Variants in RGPD1 observed in about 807,000 individuals in gnomAD.
RGPD1 encodes RANBP2-like and GRIP domain-containing protein 1.
RGPD1 carries 7 observed loss-of-function variants against 40.6 expected under a neutral mutation model. That is an observed-to-expected ratio of 0.17 (90% CI 0.10 to 0.32). The LOEUF (loss-of-function observed/expected upper bound fraction) is 0.32, where lower values mean the gene tolerates loss of function less well. Among genes scored for constraint, RGPD1 ranks in the 10% least tolerant of loss-of-function variants. RGPD1 has a pLI of 1.00. For missense variants in RGPD1, 50 were observed against 472.5 expected, an observed-to-expected ratio of 0.11 and a Z score of 8.29; for synonymous variants, 24 against 167.0, an observed-to-expected ratio of 0.14 and a Z score of 6.60.
chr2:86,927,713 A>G (rs1678612283), intron 1 of RGPD1, among the ~76,000 whole-genome samples: 1 of 90,536 alleles, frequency 1.1e-5, no homozygotes. Flanking sequence ...AGATACATGA[A>G]AAGCATGGAT....
chr2:86,914,157 G>GCGGCCT (rs1190425202), intron 1 of RGPD1, among the ~76,000 whole-genome samples: 1 of 85,606 alleles, frequency 1.2e-5, no homozygotes, highest in Non-Finnish European at 2.3e-5. Context: ...GGCGGCGGCG[G>GCGGCCT]CGGCCTCGGC....
chr2:86,914,283 G>GGGCGGC (rs533309212), intron 1 of RGPD1, among the ~76,000 whole-genome samples: 2 of 10,230 alleles, frequency 2.0e-4, no homozygotes, highest in Admixed American at 7.2e-4. Flanking sequence ...GGCCTCGGCC[G>GGGCGGC]GGCGGCGGCG....
In RGPD1 at chr2:86,918,521, G is replaced by A. The variant is rs367816021; in HGVS notation, c.72+4600G>A. On this transcript the variant is annotated intron_variant, in intron 1 of 22. Transcript: ENST00000398193. ...GTCACCTAGGCTGGAGTGCAATGGC[G>A]CAATCTCAGCTCACTACAGGCTCTG... Among the ~76,000 whole-genome samples, 1,401 of 128,648 alleles carry A rather than the reference G, an allele frequency of 0.011. 66 individuals carry two copies. In the East Asian group the frequency reaches 0.14, roughly 13 times the overall value. The allele number at this position is 128,648 out of a possible 152,430, so 84.4% of individuals were successfully genotyped here.
chr2:86,941,849 T>C (rs1159988835), upstream of RGPD1, among the ~76,000 whole-genome samples: 1 of 151,512 alleles, frequency 6.6e-6, no homozygotes, highest in Non-Finnish European at 1.5e-5. Flanking sequence ...TAGCTGGGAT[T>C]ACAGGGGCCC....
chr2:86,915,203 G>A (rs1337465766), intron 1 of RGPD1, among the ~76,000 whole-genome samples: 1 of 150,638 alleles, frequency 6.6e-6, no homozygotes, highest in Non-Finnish European at 1.5e-5. Flanking sequence ...GTCTGAGGCA[G>A]GAGAATTGCT....
At chr2:86,940,671 T>C (rs1679671022), upstream of RGPD1, among the ~76,000 whole-genome samples, 2 of 151,868 alleles carry the variant, frequency 1.3e-5, no homozygotes, top group East Asian at 1.9e-4. Context: ...ACATAACTCA[T>C]TGCAGTCTCC....
At chr2:86,925,330 G>A (rs1277463462) in intron 1 of RGPD1, among the ~76,000 whole-genome samples, 1 of 151,324 alleles carries the variant, frequency 6.6e-6, no homozygotes, top group South Asian at 2.1e-4. Flanking sequence ...GCAGTGGCAT[G>A]ATCTCAGCTC....
chr2:86,941,148 A>T (rs1302311402), upstream of RGPD1, among the ~76,000 whole-genome samples: 1 of 152,234 alleles, frequency 6.6e-6, no homozygotes. Flanking sequence ...CCACATAATT[A>T]AGACTGTAAT....
chr2:86,942,467 C>CGGCCTCGACCTGGCCGGGCGGCGGCGGT (rs1679902478), intron 1 of RGPD1, among the ~76,000 whole-genome samples, 159 bp downstream of exon 1: 1 of 132,710 alleles, frequency 7.5e-6, no homozygotes, highest in Non-Finnish European at 1.7e-5. Flanking sequence ...GTTGAGGCGC[C>CGGCCTCGACCTGGCCGGGCGGCGGCGGT]GGCCTCGACC....
intron 4 of RGPD1, among the ~76,000 whole-genome samples, chr2:86,954,781 A>G (rs2104795863): frequency 6.6e-6 from 1 of 150,498 alleles, no homozygotes; most frequent in East Asian, 2.0e-4. Context: ...GTTTTCTTTC[A>G]TTTTATCATG....
chr2:86,945,372 CAG>C (rs1288729482), intron 1 of RGPD1, among the ~76,000 whole-genome samples: 6 of 151,980 alleles, frequency 3.9e-5, no homozygotes, highest in East Asian at 3.9e-4. Flanking sequence ...AATGACAAAA[CAG>C]GGTGCTTTGG....
At chr2:86,914,518 CGGCGGCGGCGGCCTCGGCCTGGCCG>C (rs1677663882) in intron 1 of RGPD1, among the ~76,000 whole-genome samples, 2 of 41,922 alleles carry the variant, frequency 4.8e-5, no homozygotes, top group Non-Finnish European at 9.4e-5. Flanking sequence ...GCGGCGGCGG[CGGCGGCGGCGGCCTCGGCCTGGCCG>C]GGCGGCGGCG....
At position 86,924,217 on chromosome 2, in the gene RGPD1, AC is replaced by A. The variant is rs1156320467; in HGVS notation, c.72+10297del. On this transcript the variant is annotated intron_variant, in intron 1 of 22. Transcript: ENST00000398193. ...GTCATCCAGGCTGGAGTGCAGTGGC[AC>A]GATCTCGGCTCACTGCAACCTCTGA... is the stretch of plus-strand genomic sequence containing the variant. 2.0e-5 allele frequency among the ~76,000 whole-genome samples: 3 copies of A among 151,664 alleles called. No homozygotes were observed. In the East Asian group the frequency reaches 5.9e-4, roughly 30 times the overall value.
In RGPD1 at chr2:86,930,502, G is replaced by A; in HGVS notation, c.72+16581G>A. ...ATTTCACGCTGCCGCTGCTGTTGTT[G>A]CAGCCTGAGTTTAGCTCGTCGGTGG... is the stretch of plus-strand genomic sequence containing the variant. On this transcript the variant is annotated intron_variant, in intron 1 of 22. Transcript: ENST00000398193. 2.4e-5 allele frequency: 36 copies of A among 1,513,622 alleles called. 1 individual carries two copies. Among genetic ancestry groups the A allele is most frequent in the Non-Finnish European group, 3.2e-5 (35 of 1,098,862 alleles). The allele number at this position is 1,513,622 out of a possible 1,614,324, so 93.8% of individuals were successfully genotyped here.
chr2:86,934,970 TG>T (rs1352961609), intron 1 of RGPD1: 2 of 131,600 alleles, frequency 1.5e-5, no homozygotes, highest in East Asian at 4.8e-4. Flanking sequence ...CCCAAGTAGC[TG>T]GGACTACGGG....
intron 2 of RGPD1, among the ~76,000 whole-genome samples, chr2:86,951,873 GTTTTTTTTTT>G (rs71269535): frequency 2.0e-5 from 1 of 50,980 alleles, no homozygotes; most frequent in Non-Finnish European, 3.1e-5. Flanking sequence ...GGGAGGCAGG[GTTTTTTTTTT>G]TTTTTTTTTT....
chr2:86,939,436 G>A (rs187408932), upstream of RGPD1, among the ~76,000 whole-genome samples: 11 of 149,886 alleles, frequency 7.3e-5, no homozygotes, highest in African/African-American at 1.2e-4. Flanking sequence ...ACAATTAGCC[G>A]GGTGTGATGG....
Position 86,918,453 on chromosome 2 carries a change from C to CCTT in RGPD1, c.72+4532_72+4533insCTT, listed in dbSNP as rs1248546327. Among the ~76,000 whole-genome samples, 113 of 78,104 alleles carry CCTT rather than the reference C, an allele frequency of 1.4e-3. 4 individuals are homozygous for CCTT. Among genetic ancestry groups the CCTT allele is most frequent in the South Asian group, 6.5e-3 (13 of 2,008 alleles). 51.2% of individuals were successfully genotyped at this position (78,104 alleles called of 152,430 possible). A position where few individuals can be genotyped will look rare whatever the true frequency, so the allele number is the denominator to read the frequency against. ...TATGTTTTAGCCTTGCACACCAAAT[C>CCTT]TTTTTTTTTTTTTTTTTTTTTTTTG... On this transcript the variant is annotated intron_variant, in intron 1 of 22. Coordinates refer to the RGPD1 transcript ENST00000398193.
chr2:86,914,027 C>A (rs1218657918), intron 1 of RGPD1: 1 of 13,502 alleles, frequency 7.4e-5, no homozygotes. Flanking sequence ...CGGGCGGCGG[C>A]GGCGGCGGCG....
Sources: allele counts gnomAD v4.1 joint callset (sites outside exome capture counted in the v4.1 genomes callset), GRCh38; gene constraint gnomAD v4.1.1; transcripts MANE v1.5; gene names NCBI Gene and HGNC (gene_info 2026-07-23, HGNC 2026-07-21).